Variants in CCDC186 observed in about 807,000 individuals in gnomAD.
CCDC186 encodes the protein coiled-coil domain-containing protein 186.
A neutral mutation model predicts 113.7 loss-of-function variants in CCDC186; 49 were observed. That is an observed-to-expected ratio of 0.43 (90% CI 0.34 to 0.55). The LOEUF (loss-of-function observed/expected upper bound fraction) is 0.55. CCDC186 is among the 20% of genes least tolerant of loss of function. The probability of loss-of-function intolerance (pLI) is 0.02; values close to 1 mark genes in which losing one functional copy is unlikely to be tolerated. For synonymous variants in CCDC186, 355 were observed against 345.8 expected, an observed-to-expected ratio of 1.03 and a Z score of -0.30; for missense variants, 890 against 1,011.1, an observed-to-expected ratio of 0.88 and a Z score of 1.62.
At position 114,121,853 on chromosome 10, in the gene CCDC186, T is replaced by TG. The variant is rs2030734547; in HGVS notation, c.*3289dup. On this transcript the variant is annotated 3_prime_UTR_variant, in exon 16 of 16. Transcript: ENST00000369287. ...CAGGGTTTCACTCTGTCACCCAGGC[T>TG]GGAGTATAGAGTACAGTGGCAATCA... 6.6e-6 allele frequency: 1 copy of TG among 152,408 alleles called. No individual in the cohort carries two copies. The highest frequency in any genetic ancestry group is 6.5e-5 in the Admixed American group (1 of 15,276). The allele number at this position is 152,408 out of a possible 1,614,324, so 9.4% of individuals were successfully genotyped here.
At chr10:114,150,679 T>G (rs1344514973) in intron 4 of CCDC186, among the ~76,000 whole-genome samples, 1 of 152,158 alleles carries the variant, frequency 6.6e-6, no homozygotes, top group African/African-American at 2.4e-5. Context: ...GACAGAGTCT[T>G]GCTTTGTCAC....
chr10:114,144,643 T>A (rs766417070), intron 5 of CCDC186, 27 bp from the exon 6 acceptor site: 10 of 1,567,632 alleles, frequency 6.4e-6, no homozygotes, highest in Non-Finnish European at 8.7e-6. Flanking sequence ...AGGTCATATA[T>A]TTTCATTTAT....
rs1365793554 is a variant in CCDC186 at position 114,124,377 on chromosome 10, CTAA to C, written c.*763_*765del. 1 of 152,082 alleles carries C rather than the reference CTAA, an allele frequency of 6.6e-6. No homozygotes were observed. Among genetic ancestry groups the C allele is most frequent in the Non-Finnish European group, 1.5e-5 (1 of 68,026 alleles). The allele number at this position is 152,082 out of a possible 1,614,324, so 9.4% of individuals were successfully genotyped here. On this transcript the variant is annotated 3_prime_UTR_variant, in exon 16 of 16. Transcript: ENST00000369287. ...GTTTCAAAGAACTATTCTCTCTGTT[CTAA>C]TGATTGGATCCATTTCACAATTTAA...
chr10:114,145,011 G>T (rs2031591165), intron 5 of CCDC186, among the ~76,000 whole-genome samples: 2 of 151,982 alleles, frequency 1.3e-5, no homozygotes, highest in Non-Finnish European at 1.5e-5. Context: ...ATAATGCCCT[G>T]GAAATATGAC....
intron 6 of CCDC186, among the ~76,000 whole-genome samples, chr10:114,141,672 C>G (rs2031473591): frequency 6.6e-6 from 1 of 152,112 alleles, no homozygotes; most frequent in Non-Finnish European, 1.5e-5. Flanking sequence ...CGCACGCACG[C>G]ACACATGTAC....
At chr10:114,167,015 G>GTTTTTT (rs201434736) in intron 1 of CCDC186, among the ~76,000 whole-genome samples, 1 of 127,264 alleles carries the variant, frequency 7.9e-6, no homozygotes. Context: ...TTGCAAGCTG[G>GTTTTTT]TTTTTTTTTT....
At chr10:114,126,821 C>T (rs530396332) in intron 14 of CCDC186, among the ~76,000 whole-genome samples, 3 of 152,094 alleles carry the variant, frequency 2.0e-5, no homozygotes, top group Non-Finnish European at 2.9e-5. Context: ...GGAAAAGGCC[C>T]ACAATATAAA....
intron 6 of CCDC186, among the ~76,000 whole-genome samples, chr10:114,138,348 C>T (rs2031350604): frequency 2.3e-5 from 3 of 131,156 alleles, no homozygotes; most frequent in East Asian, 2.4e-4. Flanking sequence ...GGCTTGAGTA[C>T]AGTGGTGTGA....
At position 114,123,286 on chromosome 10, in the gene CCDC186, T is replaced by C. The variant is rs1301714833; in HGVS notation, c.*1857A>G. 1 of 152,594 alleles carries C rather than the reference T, an allele frequency of 6.6e-6. No individual in the cohort carries two copies. Among genetic ancestry groups the C allele is most frequent in the African/African-American group, 2.4e-5 (1 of 41,446 alleles). 9.5% of individuals were successfully genotyped at this position (152,594 alleles called of 1,614,324 possible). On this transcript the variant is annotated 3_prime_UTR_variant, in exon 16 of 16. Transcript: ENST00000369287. ...TTAAGACTAATACTTTTTATAACTA[T>C]TCTAAAAATAAAACATCTTTGAACA...
intron 1 of CCDC186, among the ~76,000 whole-genome samples, chr10:114,164,245 C>T (rs577109913): frequency 6.7e-6 from 1 of 150,082 alleles, no homozygotes; most frequent in Non-Finnish European, 1.5e-5. Context: ...CTCAGCCTCC[C>T]GAGTAGCTGA....
rs923661604 is a variant in CCDC186, at chr10:114,123,607, G to A, written c.*1536C>T. 1.3e-5 allele frequency: 2 copies of A among 152,132 alleles called. No homozygotes were observed. Among genetic ancestry groups the A allele is most frequent in the Non-Finnish European group, 2.9e-5 (2 of 68,030 alleles). The allele number at this position is 152,132 out of a possible 1,614,324, so 9.4% of individuals were successfully genotyped here. A position where few individuals can be genotyped will look rare whatever the true frequency, so the allele number is the denominator to read the frequency against. The stretch of plus-strand genomic sequence containing the variant: ...AAGGCTTGCTGCAATATCTGCATAA[G>A]AGCCACGGTATCTTATTATAGTAAT... On this transcript the variant is annotated 3_prime_UTR_variant, in exon 16 of 16. Coordinates refer to ENST00000369287, the MANE Select transcript of CCDC186 (RefSeq NM_018017.4).
rs113478153 is a variant in CCDC186, at chr10:114,124,147, G to A, written c.*996C>T. The A allele has an allele frequency of 5.9e-5, 9 of 152,254 alleles. No individual in the cohort carries two copies. Among genetic ancestry groups the A allele is most frequent in the African/African-American group, 2.2e-4 (9 of 41,548 alleles). 9.4% of individuals were successfully genotyped at this position (152,254 alleles called of 1,614,324 possible). On this transcript the variant is annotated 3_prime_UTR_variant, in exon 16 of 16. Coordinates refer to ENST00000369287, the MANE Select transcript of CCDC186 (RefSeq NM_018017.4). ...ATTACAGGCGTGAGCTACTGCACCTGGTCTACTTTATGTTTTAAATAAATA... is the reference window on the plus strand; with the variant it reads ...ATTACAGGCGTGAGCTACTGCACCTAGTCTACTTTATGTTTTAAATAAATA...
Position 114,125,081 on chromosome 10 carries a change from T to C in CCDC186, c.*62A>G, listed in dbSNP as rs533287706. ...AAAAGTGGAACAAAGTCTCCAACAA[T>C]AGAGGTCAGTGGCACCTACTCCTGT... On this transcript the variant is annotated 3_prime_UTR_variant, in exon 16 of 16. Coordinates refer to ENST00000369287, the MANE Select transcript of CCDC186 (RefSeq NM_018017.4). 1.3e-5 allele frequency: 15 copies of C among 1,191,286 alleles called. No homozygotes were observed. The highest frequency in any genetic ancestry group is 1.2e-4 in the African/African-American group (8 of 64,264). The allele number at this position is 1,191,286 out of a possible 1,614,324, so 73.8% of individuals were successfully genotyped here.
In CCDC186 at chr10:114,122,094, G is replaced by A. The variant is rs2030742584; in HGVS notation, c.*3049C>T. 6.6e-6 allele frequency: 1 copy of A among 152,300 alleles called. No homozygotes were observed. The highest frequency in any genetic ancestry group is 6.5e-5 in the Admixed American group (1 of 15,272). 9.4% of individuals were successfully genotyped at this position (152,300 alleles called of 1,614,324 possible). On this transcript the variant is annotated 3_prime_UTR_variant, in exon 16 of 16. Coordinates refer to ENST00000369287, the MANE Select transcript of CCDC186 (RefSeq NM_018017.4). ...CCCAAAGTGCTGGGATTACAGGGGT[G>A]AGCCACCACACCCGGCCCCAGCTAT...
intron 4 of CCDC186, among the ~76,000 whole-genome samples, chr10:114,148,320 T>C (rs1025367649): frequency 1.3e-5 from 2 of 152,246 alleles, no homozygotes; most frequent in South Asian, 2.1e-4. Flanking sequence ...CACAGCATCA[T>C]TGGGAGTATT....
At chr10:114,134,583 C>T (rs372585377) in intron 10 of CCDC186, among the ~76,000 whole-genome samples, 5 of 152,152 alleles carry the variant, frequency 3.3e-5, no homozygotes, top group South Asian at 2.1e-4. Flanking sequence ...GTGCGAAGAT[C>T]TAGAGCAAGA....
chr10:114,165,978 T>TA, intron 1 of CCDC186: 4 of 958,632 alleles, frequency 4.2e-6, no homozygotes, highest in Non-Finnish European at 5.0e-6. Flanking sequence ...ATTTTTTTTT[T>TA]AATGGCTAGA....
chr10:114,129,669 G>A (rs548160029), intron 13 of CCDC186, among the ~76,000 whole-genome samples: 19 of 152,136 alleles, frequency 1.2e-4, no homozygotes, highest in African/African-American at 4.3e-4. Context: ...AGCTGGGATT[G>A]CAGGCGTGAG....
chr10:114,159,733 T>C (rs943844436), intron 2 of CCDC186, among the ~76,000 whole-genome samples: 12 of 150,482 alleles, frequency 8.0e-5, no homozygotes, highest in African/African-American at 2.5e-4. Flanking sequence ...TGTGGGTGGA[T>C]AGCCTGAGTT....
Sources: allele counts gnomAD v4.1 joint callset (sites outside exome capture counted in the v4.1 genomes callset), GRCh38; gene constraint gnomAD v4.1.1; transcripts MANE v1.5; gene names NCBI Gene and HGNC (gene_info 2026-07-23, HGNC 2026-07-21).